The following PCK1 variants were observed in gnomAD, a reference collection of about 807,000 sequenced individuals.
PCK1 encodes the protein phosphoenolpyruvate carboxykinase 1.
PCK1 carries 44 observed loss-of-function variants against 50.3 expected under a neutral mutation model. That is an observed-to-expected ratio of 0.87 (90% confidence interval 0.69 to 1.12). The LOEUF (loss-of-function observed/expected upper bound fraction) is 1.12. Among genes scored for constraint, PCK1 ranks in the 50% most tolerant of loss-of-function variants. The pLI is 0.00. For synonymous variants in PCK1, 332 were observed against 314.3 expected (o/e 1.06, Z -0.59); for missense variants, 790 against 815.0 (o/e 0.97, Z 0.37).
At chr20:57,563,326 C>T (rs991911064) in intron 5 of PCK1, 111 bp downstream of exon 5, 22 of 1,013,788 alleles carry the variant, frequency 2.2e-5, no homozygotes, top group South Asian at 7.7e-5. Context: ...TGCAGGTTCC[C>T]GGACAGATCG....
chr20:57,561,665 C>G (rs758894858), intron 2 of PCK1, 30 bp downstream of exon 2: 1 of 1,469,790 alleles, frequency 6.8e-7, no homozygotes, highest in Non-Finnish European at 9.5e-7. Context: ...CCTGTCCCAG[C>G]ACCCTGCAGG....
chr20:57,562,969 C>A, intron 4 of PCK1, 59 bp from the exon 5 acceptor site: 1 of 1,578,740 alleles, frequency 6.3e-7, no homozygotes, highest in Non-Finnish European at 8.7e-7. Context: ...CAGTGAGTGC[C>A]TCGGGGACCC....
Position 57,563,622 on chromosome 20 carries a change from A to T in PCK1, c.856A>T (p.Ser286Cys). 6.2e-7 allele frequency: 1 copy of T among 1,612,154 alleles called. No individual in the cohort carries two copies. The highest frequency in any genetic ancestry group is 8.5e-7 in the Non-Finnish European group (1 of 1,178,260). The stretch of plus-strand genomic sequence containing the variant: ...GAAGTACCTGGCGGCCGCATTTCCC[A>T]GCGCCTGCGGGAAGACCAACCTGGC... Reference protein sequence around the residue: ...EKKYLAAAFPSACGKTNLAMM... With the variant: ...EKKYLAAAFPCACGKTNLAMM... Residue 286 changes from serine to cysteine, a missense_variant, in exon 6 of 10, where the codon AGC becomes TGC. By Grantham distance (112) the Ser-to-Cys change is moderately radical. Transcript: ENST00000319441.
Position 57,566,149 on chromosome 20 carries a change from C to G in PCK1, c.*345C>G, listed in dbSNP as rs2070202572. 4.1e-6 allele frequency: 1 copy of G among 246,676 alleles called. No individual in the cohort carries two copies. Among genetic ancestry groups the G allele is most frequent in the Non-Finnish European group, 7.3e-6 (1 of 136,622 alleles). 15.3% of individuals were successfully genotyped at this position (246,676 alleles called of 1,614,324 possible). A position where few individuals can be genotyped will look rare whatever the true frequency, so the allele number is the denominator to read the frequency against. Reference sequence around the variant, plus strand: ...AATGCACACCAAAAAAATACTTGAGCTGTATATATATATGTGTGTGTGTGT... The same window carrying G: ...AATGCACACCAAAAAAATACTTGAGGTGTATATATATATGTGTGTGTGTGT... On this transcript the variant is annotated 3_prime_UTR_variant, in exon 10 of 10. Transcript: ENST00000319441.
rs1465813581 is a variant in PCK1 at position 57,562,257 on chromosome 20, G to A, written c.406+5G>A. 1 of 1,612,044 alleles carries A rather than the reference G, an allele frequency of 6.2e-7. No individual in the cohort carries two copies. Among genetic ancestry groups the A allele is most frequent in the Admixed American group, 1.7e-5 (1 of 60,002 alleles). On this transcript the variant is annotated splice_donor_5th_base_variant and intron_variant, in intron 3 of 9. Transcript: ENST00000319441. ...GGTTCCCAGGGTGCATGAAAGGTGA[G>A]CGGAACATTGATTTGATTGGGTAAA...
chr20:57,562,916 A>G lies in PCK1; in HGVS notation c.610+17A>G. On this transcript the variant is annotated intron_variant, in intron 4 of 9. Transcript: ENST00000319441. ...CTTTACAAAGTAAGTGTATTATTTC[A>G]GAATCAAAAGTCAAAATAAAAAAGA... is the stretch of plus-strand genomic sequence containing the variant. The G allele has an allele frequency of 6.3e-7, 1 of 1,594,610 alleles. No individual in the cohort carries two copies. The highest frequency in any genetic ancestry group is 8.6e-7 in the Non-Finnish European group (1 of 1,163,370).
rs367756890 is a variant in PCK1 at position 57,565,699 on chromosome 20, G to A, written c.1764G>A (p.Glu588=). The change falls in exon 10 of 10, where the codon GAG becomes GAA. Residue 588 remains glutamate, a synonymous_variant. Coordinates refer to ENST00000319441, the MANE Select transcript of PCK1 (RefSeq NM_002591.4). ...TCTCCAAGGAATTCTGGGAGAAGGA[G>A]GTGGAAGACATCGAGAAGTATCTGG... The part of the protein sequence containing the change: ...FSISKEFWEK[E]VEDIEKYLED... 8 of 1,613,746 alleles carry A rather than the reference G, an allele frequency of 5.0e-6. No homozygotes were observed. In the African/African-American group the frequency reaches 9.3e-5, roughly 19 times the overall value.
chr20:57,564,948 G>A (rs944335477), intron 8 of PCK1, 92 bp from the exon 9 acceptor site: 34 of 915,434 alleles, frequency 3.7e-5, no homozygotes, highest in African/African-American at 1.5e-4. Context: ...TTGTCTTGCC[G>A]TGTCTTTCCG....
Position 57,566,309 on chromosome 20 carries a change from T to C in PCK1, c.*505T>C, listed in dbSNP as rs991322733. On this transcript the variant is annotated 3_prime_UTR_variant, in exon 10 of 10. Transcript: ENST00000319441. Reference sequence around the variant, plus strand: ...AAAAATCTTGGGCAAGATGACCTACTAGTTTTCCTTGAAAAAAAGTTGCTT... The same window carrying C: ...AAAAATCTTGGGCAAGATGACCTACCAGTTTTCCTTGAAAAAAAGTTGCTT... The C allele has an allele frequency of 6.6e-6, 1 of 152,554 alleles. No individual in the cohort carries two copies. The highest frequency in any genetic ancestry group is 1.5e-5 in the Non-Finnish European group (1 of 68,340). The allele number at this position is 152,554 out of a possible 1,614,324, so 9.5% of individuals were successfully genotyped here.
chr20:57,564,481 G>A lies in PCK1; in HGVS notation c.1187-1G>A, dbSNP rs749203686. ...CTCACGAGCCTTTCTCTGTCTTATA[G>A]GGGAACCTTGTGCCCACCCCAACTC... On this transcript the variant is annotated splice_acceptor_variant, in intron 7 of 9. Transcript: ENST00000319441. LOFTEE classifies it high-confidence loss of function. The A allele has an allele frequency of 5.0e-6, 8 of 1,614,038 alleles. No homozygotes were observed. The African/African-American group carries it at 9.3e-5, about 19-fold the overall frequency.
At chr20:57,564,454 C>T (rs2146529818) in intron 7 of PCK1, 28 bp from the exon 8 acceptor site, 1 of 1,614,182 alleles carries the variant, frequency 6.2e-7, no homozygotes, top group Non-Finnish European at 8.5e-7. Context: ...TTGAGCCAGG[C>T]ACTCACGAGC....
chr20:57,564,881 T>C (rs2070188160), intron 8 of PCK1, 159 bp from the exon 9 acceptor site: 2 of 660,226 alleles, frequency 3.0e-6, no homozygotes, highest in African/African-American at 3.6e-5. Context: ...AACTTTGAGT[T>C]AGCAGTTTTC....
chr20:57,565,019 T>C (rs1205343554), intron 8 of PCK1, 21 bp from the exon 9 acceptor site: 1 of 1,544,832 alleles, frequency 6.5e-7, no homozygotes, highest in Non-Finnish European at 8.9e-7. Flanking sequence ...TGAACATTTC[T>C]CTTTTTTTTT....
Position 57,562,221 on chromosome 20 carries a change from G to T in PCK1, c.375G>T (p.Ala125=), listed in dbSNP as rs780821314. 6.2e-7 allele frequency: 1 copy of T among 1,614,010 alleles called. No homozygotes were observed. Reference sequence around the variant, plus strand: ...TGTCAGAGGAGGATTTTGAGAAAGCGTTCAATGCCAGGTTCCCAGGGTGCA... The same window carrying T: ...TGTCAGAGGAGGATTTTGAGAAAGCTTTCAATGCCAGGTTCCCAGGGTGCA... The part of the protein sequence containing the change: ...RWMSEEDFEK[A]FNARFPGCMK... Residue 125 remains alanine, a synonymous_variant, in exon 3 of 10, where the codon GCG becomes GCT. Coordinates refer to ENST00000319441, the MANE Select transcript of PCK1 (RefSeq NM_002591.4).
intron 3 of PCK1, 54 bp from the exon 4 acceptor site, chr20:57,562,642 G>A (rs1157254006): frequency 2.1e-5 from 31 of 1,465,542 alleles, no homozygotes; most frequent in African/African-American, 1.1e-4. Context: ...AATGCTGGTC[G>A]TGTTCGAAGT....
chr20:57,563,514 C>G, intron 5 of PCK1, 51 bp from the exon 6 acceptor site: 4 of 1,375,892 alleles, frequency 2.9e-6, no homozygotes, highest in Non-Finnish European at 4.1e-6. Flanking sequence ...GAAGTACCAA[C>G]CTCGGGGAGA....
Position 57,567,118 on chromosome 20 carries a change from A to G in PCK1, c.*1314A>G, listed in dbSNP as rs1339087434. 2.6e-5 allele frequency: 4 copies of G among 152,190 alleles called. No homozygotes were observed. The highest frequency in any genetic ancestry group is 5.9e-5 in the Non-Finnish European group (4 of 68,040). 9.4% of individuals were successfully genotyped at this position (152,190 alleles called of 1,614,324 possible). A position where few individuals can be genotyped will look rare whatever the true frequency, so the allele number is the denominator to read the frequency against. On this transcript the variant is annotated 3_prime_UTR_variant, in exon 10 of 10. Transcript: ENST00000319441. ...AAACGAACCATAAACTTTATATCAC[A>G]GATTCAATCTGTGTAAATACTATTA...
Position 57,565,793 on chromosome 20 carries a change from A to C in PCK1, c.1858A>C (p.Ser620Arg). Reference protein sequence around the residue: ...REILALKQRISQM With the variant: ...REILALKQRIRQM Reference sequence around the variant, plus strand: ...GATCCTTGCCTTGAAGCAAAGAATAAGCCAGATGTAATCAGGGCCTGAGTG... The same window carrying C: ...GATCCTTGCCTTGAAGCAAAGAATACGCCAGATGTAATCAGGGCCTGAGTG... Residue 620 changes from serine to arginine, a missense_variant, in exon 10 of 10, where the codon AGC becomes CGC. Transcript: ENST00000319441. The C allele has an allele frequency of 6.2e-7, 1 of 1,607,196 alleles. No homozygotes were observed. The highest frequency in any genetic ancestry group is 1.3e-5 in the African/African-American group (1 of 74,882).
rs149718395 is a variant in PCK1 at position 57,562,121 on chromosome 20, C to A, written c.275C>A (p.Thr92Lys). 6.2e-7 allele frequency: 1 copy of A among 1,614,164 alleles called. No individual in the cohort carries two copies. Among genetic ancestry groups the A allele is most frequent in the East Asian group, 2.2e-5 (1 of 44,882 alleles). Residue 92 changes from threonine to lysine, a missense_variant, in exon 3 of 10, where the codon ACG (threonine) becomes AAG (lysine). Transcript: ENST00000319441. ...PRDVARIESK[T>K]VIVTQEQRDT... The stretch of plus-strand genomic sequence containing the variant: ...GATGTGGCCAGGATCGAAAGCAAGA[C>A]GGTTATCGTCACCCAAGAGCAAAGA...
Sources: gnomAD v4.1 joint callset for allele counts on GRCh38, gnomAD v4.1.1 for gene constraint, MANE v1.5 for transcripts, NCBI Gene and HGNC (gene_info 2026-07-23, HGNC 2026-07-21) for gene names.